Variants in MSANTD2 observed in about 807,000 individuals in gnomAD.
MSANTD2 encodes myb/SANT-like DNA-binding domain-containing protein 2.
Under a neutral mutation model 52.6 loss-of-function variants are expected in MSANTD2, and 19 were observed. The observed-to-expected ratio is 0.36, with a 90% CI of 0.25 to 0.53. The LOEUF is 0.53. Ranked by LOEUF, MSANTD2 falls within the 20% of genes least tolerant of loss-of-function variation. MSANTD2 has a pLI of 0.91. For synonymous variants in MSANTD2, 291 were observed against 289.7 expected (o/e 1.00, Z -0.04); for missense variants, 558 against 716.3 (o/e 0.78, Z 2.52).
chr11:124,772,018 A>G (rs1490372232), intron 3 of MSANTD2, among the ~76,000 whole-genome samples: 1 of 152,224 alleles, frequency 6.6e-6, no homozygotes, highest in Non-Finnish European at 1.5e-5. Context: ...ATTAAAAAGA[A>G]CCACAAATAT....
At chr11:124,795,279 G>A (rs1275834623) in intron 1 of MSANTD2, among the ~76,000 whole-genome samples, 1 of 152,152 alleles carries the variant, frequency 6.6e-6, no homozygotes, top group East Asian at 1.9e-4. Flanking sequence ...TCATCTTGAG[G>A]CACAGCTAGA....
At chr11:124,798,850 T>C (rs947522439) in intron 1 of MSANTD2, among the ~76,000 whole-genome samples, 7 of 152,108 alleles carry the variant, frequency 4.6e-5, no homozygotes, top group African/African-American at 1.2e-4. Context: ...GCACAGATAA[T>C]AGGATAAGTA....
chr11:124,784,482 ACC>A (rs10547948), intron 1 of MSANTD2: 817,306 of 975,638 alleles, frequency 0.84, 340,216 homozygotes, highest in Middle Eastern at 0.86. Context: ...TAAAAATTAA[ACC>A]CCCCCCCCGC....
At chr11:124,778,152 A>C (rs1241483874) in intron 1 of MSANTD2, among the ~76,000 whole-genome samples, 1 of 152,224 alleles carries the variant, frequency 6.6e-6, no homozygotes, top group African/African-American at 2.4e-5. Flanking sequence ...CTGAGATTAC[A>C]ATAATGCTCA....
chr11:124,770,859 A>G (rs977980262), intron 3 of MSANTD2, among the ~76,000 whole-genome samples: 1 of 150,988 alleles, frequency 6.6e-6, no homozygotes, highest in Non-Finnish European at 1.5e-5. Context: ...CAGCCTCCCA[A>G]GTAGCTGGGA....
chr11:124,789,427 TCTA>T lies in MSANTD2; in HGVS notation c.510+10441_510+10443del, dbSNP rs1358375150. The stretch of plus-strand genomic sequence containing the variant: ...AGAAAGCATATCTAAGTAAACAACT[TCTA>T]CTATTGTTATTTATATTGAATGAAG... On this transcript the variant is annotated intron_variant, in intron 1 of 3. Coordinates refer to ENST00000374979, the MANE Select transcript of MSANTD2 (RefSeq NM_001308027.2). 2.6e-5 allele frequency: 4 copies of T among 152,318 alleles called. No individual in the cohort carries two copies. In the East Asian group the frequency reaches 5.8e-4, roughly 22 times the overall value. 9.4% of individuals were successfully genotyped at this position (152,318 alleles called of 1,614,324 possible).
chr11:124,766,815 T>C lies in MSANTD2; in HGVS notation c.*361A>G. On this transcript the variant is annotated 3_prime_UTR_variant, in exon 4 of 4. Transcript: ENST00000374979. ...GAAACATTGTGAAAAAAATACAATTTTTCAATTTCATATGAAACTCAAAGT... is the reference window on the plus strand; with the variant it reads ...GAAACATTGTGAAAAAAATACAATTCTTCAATTTCATATGAAACTCAAAGT... The C allele has an allele frequency of 5.9e-6, 1 of 170,294 alleles. No individual in the cohort carries two copies. The highest frequency in any genetic ancestry group is 1.2e-5 in the Non-Finnish European group (1 of 80,164). 10.5% of individuals were successfully genotyped at this position (170,294 alleles called of 1,614,324 possible).
chr11:124,791,673 C>T (rs35841132), intron 1 of MSANTD2: 66,891 of 1,319,166 alleles, frequency 0.051, 1,877 homozygotes, highest in Non-Finnish European at 0.061. Context: ...GAGGGCATTT[C>T]TGGAGACAGG....
At chr11:124,793,428 A>T (rs1291852556) in intron 1 of MSANTD2, among the ~76,000 whole-genome samples, 1 of 152,208 alleles carries the variant, frequency 6.6e-6, no homozygotes, top group African/African-American at 2.4e-5. Flanking sequence ...TCAGCTTAAA[A>T]ATCTTCCAGA....
In MSANTD2 at chr11:124,783,982, C is replaced by T. The variant is rs77054502; in HGVS notation, c.511-9008G>A. ...CATGTATAAGAGCTTCTTTAGGGTA[C>T]AAGAATCCTTCAAGACAAGGAATTC... On this transcript the variant is annotated intron_variant, in intron 1 of 3. Coordinates refer to ENST00000374979, the MANE Select transcript of MSANTD2 (RefSeq NM_001308027.2). 72 of 985,316 alleles carry T rather than the reference C, an allele frequency of 7.3e-5. No homozygotes were observed. In the East Asian group the frequency reaches 6.1e-3, roughly 84 times the overall value. The allele number at this position is 985,316 out of a possible 1,614,324, so 61.0% of individuals were successfully genotyped here.
At chr11:124,784,078 G>C in intron 1 of MSANTD2, 2 of 985,118 alleles carry the variant, frequency 2.0e-6, no homozygotes, top group Non-Finnish European at 2.4e-6. Context: ...CAGTATATAA[G>C]CAGCAATAGG....
At chr11:124,795,183 T>C (rs1945456483) in intron 1 of MSANTD2, among the ~76,000 whole-genome samples, 1 of 152,136 alleles carries the variant, frequency 6.6e-6, no homozygotes, top group Non-Finnish European at 1.5e-5. Flanking sequence ...CCGGCCTCTT[T>C]TACCATTTTT....
intron 1 of MSANTD2, among the ~76,000 whole-genome samples, chr11:124,797,223 G>A (rs909612459): frequency 6.6e-6 from 1 of 152,156 alleles, no homozygotes; most frequent in Non-Finnish European, 1.5e-5. Flanking sequence ...GGTGGCTCTC[G>A]CCTATAATCC....
chr11:124,780,589 AT>A (rs1347225505), intron 1 of MSANTD2, among the ~76,000 whole-genome samples: 1 of 152,144 alleles, frequency 6.6e-6, no homozygotes, highest in African/African-American at 2.4e-5. Context: ...GTCCCATACG[AT>A]TTCAAGGGGG....
rs770011721 is a variant in MSANTD2, at chr11:124,774,497, T to C, written c.766+222A>G. ...CCAAATGAACAACACCAAGCACCAG[T>C]TGGCAGTTTAAGGCTAAACCAAGGA... On this transcript the variant is annotated intron_variant, in intron 2 of 3. Coordinates refer to ENST00000374979, the MANE Select transcript of MSANTD2 (RefSeq NM_001308027.2). This position sits in a 1 kb window ranked among gnomAD's most constrained non-coding sequence, Gnocchi z 5.1. 3.9e-5 allele frequency among the ~76,000 whole-genome samples: 6 copies of C among 152,232 alleles called. No individual in the cohort carries two copies. The highest frequency in any genetic ancestry group is 8.8e-5 in the Non-Finnish European group (6 of 68,044).
At chr11:124,772,403 TA>T (rs994785805) in intron 3 of MSANTD2, among the ~76,000 whole-genome samples, 4 of 152,228 alleles carry the variant, frequency 2.6e-5, no homozygotes, top group Non-Finnish European at 5.9e-5. Flanking sequence ...CTCAACATTT[TA>T]GATAATCACT....
In MSANTD2 at chr11:124,774,901, T is replaced by A. The variant is rs1944682225; in HGVS notation, c.584A>T (p.Gln195Leu). ...TCCCTGACCAAACACCTGTTCCAAC[T>A]GTTCAAATGTGTAACTGCTCTTTCT... ...GKRKSSYTFE[Q>L]LEQVFGQGGW... is the part of the protein sequence containing the mutation. Residue 195 changes from glutamine (Q) to leucine (L), a missense_variant, in exon 2 of 4, where the codon CAG becomes CTG. This residue lies in a region of MSANTD2 where 408 missense variants were observed against 573.6 expected (regional missense o/e 0.71). Transcript: ENST00000374979. The surrounding 1 kb of genome is among the most constrained non-coding windows in gnomAD (Gnocchi z 5.1). 6.2e-7 allele frequency: 1 copy of A among 1,609,958 alleles called. No individual in the cohort carries two copies. Among genetic ancestry groups the A allele is most frequent in the African/African-American group, 1.3e-5 (1 of 74,914 alleles).
chr11:124,793,641 C>T (rs1015174239), intron 1 of MSANTD2, among the ~76,000 whole-genome samples: 1 of 152,182 alleles, frequency 6.6e-6, no homozygotes, highest in East Asian at 1.9e-4. Flanking sequence ...CTAGTAATGC[C>T]GTACTGGACA....
intron 1 of MSANTD2, 121 bp from the exon 2 acceptor site, chr11:124,775,095 G>A: frequency 2.5e-6 from 2 of 809,156 alleles, no homozygotes; most frequent in Non-Finnish European, 1.8e-6. Context: ...ATTGTTACAG[G>A]AATGCTAGAT....
Sources: allele counts gnomAD v4.1 joint callset (sites outside exome capture counted in the v4.1 genomes callset), GRCh38; gene constraint gnomAD v4.1.1; regional missense constraint gnomAD v4.1.1; non-coding constraint Gnocchi (gnomAD v3.1); transcripts MANE v1.5; gene names NCBI Gene and HGNC (gene_info 2026-07-23, HGNC 2026-07-21).